CNTFR: variants seen among roughly 807,000 people sequenced by gnomAD.
The protein encoded by CNTFR is ciliary neurotrophic factor receptor subunit alpha.
A neutral mutation model predicts 40.4 loss-of-function variants in CNTFR; 12 were observed. That is an observed-to-expected ratio of 0.30 (90% CI 0.19 to 0.48). CNTFR has a LOEUF of 0.48. CNTFR is among the 20% of genes least tolerant of loss of function. CNTFR has a pLI of 0.99. For synonymous variants in CNTFR, 202 were observed against 209.6 expected, an observed-to-expected ratio of 0.96 and a Z score of 0.31; for missense variants, 414 against 506.8, an observed-to-expected ratio of 0.82 and a Z score of 1.76.
In CNTFR at chr9:34,557,197, G is replaced by GA. The variant is rs1023401047; in HGVS notation, c.604+328_604+329insT. Among the ~76,000 whole-genome samples, 2 of 151,578 alleles carry GA rather than the reference G, an allele frequency of 1.3e-5. No individual in the cohort carries two copies. The highest frequency in any genetic ancestry group is 2.1e-4 in the South Asian group (1 of 4,762). On this transcript the variant is annotated intron_variant, in intron 6 of 9. Transcript: ENST00000378980. The surrounding 1 kb of genome is among the most constrained non-coding windows in gnomAD (Gnocchi z 4.2). ...CGTAAGGAAGCCATTAGAGTTGGGGGGGGGTGCGGTGGAGGCTGCAGCTGC... is the reference window on the plus strand; with the variant it reads ...CGTAAGGAAGCCATTAGAGTTGGGGGAGGGGTGCGGTGGAGGCTGCAGCTGC...
chr9:34,579,406 A>G (rs1827173999), intron 2 of CNTFR, among the ~76,000 whole-genome samples: 1 of 151,200 alleles, frequency 6.6e-6, no homozygotes, highest in Admixed American at 6.6e-5. Flanking sequence ...GGGTTGGGGG[A>G]GAAGGAGGGG....
chr9:34,564,698 G>T lies in CNTFR; in HGVS notation c.220C>A (p.Leu74Met). ...LAPDLLNGSQ[L>M]VLHGLELGHS... ...CCCAGTTCCAGGCCATGGAGCACCA[G>T]CTGAGAGCCGTTGAGCAGGTCAGGG... The change falls in exon 4 of 10, where the codon CTG becomes ATG. Residue 74 changes from leucine to methionine, a missense_variant. Physicochemically the swap from Leu to Met is conservative, Grantham distance 15 (BLOSUM62 2). Transcript: ENST00000378980. 6.2e-7 allele frequency: 1 copy of T among 1,614,136 alleles called. No homozygotes were observed. The highest frequency in any genetic ancestry group is 8.5e-7 in the Non-Finnish European group (1 of 1,179,998).
intron 2 of CNTFR, among the ~76,000 whole-genome samples, chr9:34,579,684 C>T (rs887012086): frequency 6.6e-6 from 1 of 152,040 alleles, no homozygotes; most frequent in African/African-American, 2.4e-5. Flanking sequence ...AGGAAAGGAA[C>T]CATGGGCAGC....
intron 1 of CNTFR, among the ~76,000 whole-genome samples, chr9:34,584,449 C>G (rs1376625240): frequency 1.3e-5 from 2 of 152,232 alleles, no homozygotes; most frequent in Non-Finnish European, 2.9e-5. Context: ...GATGCAGCCA[C>G]TGCCACACTG....
At chr9:34,555,407 C>T (rs1197326689) in intron 7 of CNTFR, among the ~76,000 whole-genome samples, 3 of 152,084 alleles carry the variant, frequency 2.0e-5, no homozygotes, top group African/African-American at 7.2e-5. Context: ...TCCCATGGAG[C>T]ACCCTCTCAA....
chr9:34,577,896 G>A (rs2132234351), intron 2 of CNTFR, among the ~76,000 whole-genome samples: 1 of 151,740 alleles, frequency 6.6e-6, no homozygotes, highest in Non-Finnish European at 1.5e-5. Flanking sequence ...GGGGGCGGAG[G>A]CCGAGAAAGG....
chr9:34,562,326 C>A (rs756070912), intron 4 of CNTFR, among the ~76,000 whole-genome samples: 2 of 152,190 alleles, frequency 1.3e-5, no homozygotes, highest in Non-Finnish European at 2.9e-5. Context: ...GCTGGTCCTG[C>A]ATTTCTCAAG....
chr9:34,565,961 C>T (rs757000029), intron 3 of CNTFR, among the ~76,000 whole-genome samples: 20 of 151,954 alleles, frequency 1.3e-4, no homozygotes, highest in Non-Finnish European at 2.5e-4. Flanking sequence ...TGGGGGGCTG[C>T]GGGATCCCTC....
intron 4 of CNTFR, among the ~76,000 whole-genome samples, chr9:34,562,448 T>A (rs1236394983): frequency 6.6e-6 from 1 of 152,180 alleles, no homozygotes; most frequent in East Asian, 1.9e-4. Context: ...GGCCTTCCCA[T>A]GGGGAAAGGT....
At chr9:34,570,445 C>CAA (rs1826544407) in intron 2 of CNTFR, among the ~76,000 whole-genome samples, 1 of 152,212 alleles carries the variant, frequency 6.6e-6, no homozygotes, top group Non-Finnish European at 1.5e-5. Flanking sequence ...CCGTCGGCGA[C>CAA]AAAGCCAGAG....
rs567832194 is a variant in CNTFR, at chr9:34,564,137, T to G, written c.319+462A>C. 3.9e-5 allele frequency among the ~76,000 whole-genome samples: 6 copies of G among 152,226 alleles called. No individual in the cohort carries two copies. The East Asian group carries it at 1.2e-3, about 29-fold the overall frequency. On this transcript the variant is annotated intron_variant, in intron 4 of 9. Transcript: ENST00000378980. ...CATTCGCTTCCCACTCCAGGATGCC[T>G]TCCTCCTTCCCTGGGGCCTCCTGGA...
rs1825874383 is a variant in CNTFR at position 34,557,143 on chromosome 9, C to T, written c.604+383G>A. Among the ~76,000 whole-genome samples the T allele has an allele frequency of 6.6e-6, 1 of 150,920 alleles. No homozygotes were observed. Among genetic ancestry groups the T allele is most frequent in the Admixed American group, 6.6e-5 (1 of 15,136 alleles). On this transcript the variant is annotated intron_variant, in intron 6 of 9. Coordinates refer to ENST00000378980, the MANE Select transcript of CNTFR (RefSeq NM_147164.3). This position sits in a 1 kb window ranked among gnomAD's most constrained non-coding sequence, Gnocchi z 4.2. ...GGCAGTATCTGTCCCAGTCCTGTCTCCTGTTCTGACACCTCATTCATCACA... is the reference window on the plus strand; with the variant it reads ...GGCAGTATCTGTCCCAGTCCTGTCTTCTGTTCTGACACCTCATTCATCACA...
chr9:34,584,108 G>A (rs1827444473), intron 1 of CNTFR, among the ~76,000 whole-genome samples: 1 of 152,092 alleles, frequency 6.6e-6, no homozygotes, highest in Non-Finnish European at 1.5e-5. Flanking sequence ...TGTGTTTTTT[G>A]CCACACTCTT....
Position 34,557,374 on chromosome 9 carries a change from T to G in CNTFR, c.604+152A>C, listed in dbSNP as rs778275446. ...CACAGGTGTATATGTCATGCATATA[T>G]GTGCACATATATGTGCACTGTACAT... On this transcript the variant is annotated intron_variant, in intron 6 of 9. Transcript: ENST00000378980. The surrounding 1 kb of genome is among the most constrained non-coding windows in gnomAD (Gnocchi z 4.2). 1.3e-6 allele frequency: 1 copy of G among 763,388 alleles called. No individual in the cohort carries two copies. The highest frequency in any genetic ancestry group is 2.1e-6 in the Non-Finnish European group (1 of 482,896). The allele number at this position is 763,388 out of a possible 1,614,324, so 47.3% of individuals were successfully genotyped here. A position where few individuals can be genotyped will look rare whatever the true frequency, so the allele number is the denominator to read the frequency against.
At chr9:34,569,126 AC>A (rs1191736103) in intron 2 of CNTFR, 145 bp from the exon 3 acceptor site, 2 of 680,344 alleles carry the variant, frequency 2.9e-6, no homozygotes, top group Non-Finnish European at 4.9e-6. Flanking sequence ...CTTTCACCCA[AC>A]CCGACTGACA....
Position 34,552,470 on chromosome 9 carries a change from C to T in CNTFR, c.950-141G>A. On this transcript the variant is annotated intron_variant, in intron 8 of 9. Coordinates refer to ENST00000378980, the MANE Select transcript of CNTFR (RefSeq NM_147164.3). The surrounding 1 kb of genome is among the most constrained non-coding windows in gnomAD (Gnocchi z 5.1). ...CAGGCAGATCCTGTTTCCCAAGGCT[C>T]ACAGATAACCCCTCCACCCAATGAC... is the stretch of plus-strand genomic sequence containing the variant. 9.2e-7 allele frequency: 1 copy of T among 1,081,436 alleles called. No individual in the cohort carries two copies. Among genetic ancestry groups the T allele is most frequent in the Non-Finnish European group, 1.3e-6 (1 of 770,378 alleles). The allele number at this position is 1,081,436 out of a possible 1,614,324, so 67.0% of individuals were successfully genotyped here.
At chr9:34,565,845 A>G (rs907694637) in intron 3 of CNTFR, among the ~76,000 whole-genome samples, 2 of 151,584 alleles carry the variant, frequency 1.3e-5, no homozygotes, top group African/African-American at 4.9e-5. Context: ...CCCCCTTCTC[A>G]TCCTACCCGC....
At chr9:34,585,761 CCCCACTACCCCCA>C in intron 1 of CNTFR, among the ~76,000 whole-genome samples, 1 of 152,128 alleles carries the variant, frequency 6.6e-6, no homozygotes, top group East Asian at 1.9e-4. Context: ...CTGAGGTCTC[CCCCACTACCCCCA>C]CCCAATGGTG....
At chr9:34,590,527 G>C (rs979059025), upstream of CNTFR, among the ~76,000 whole-genome samples, 1 of 152,230 alleles carries the variant, frequency 6.6e-6, no homozygotes, top group Non-Finnish European at 1.5e-5. Context: ...TTCCTTGACC[G>C]GGGATGGACC....
Sources: allele counts gnomAD v4.1 joint callset (sites outside exome capture counted in the v4.1 genomes callset), GRCh38; gene constraint gnomAD v4.1.1; non-coding constraint Gnocchi (gnomAD v3.1); transcripts MANE v1.5; gene names NCBI Gene and HGNC (gene_info 2026-07-23, HGNC 2026-07-21).